The following GPC5 variants were observed in gnomAD, a reference collection of about 807,000 sequenced individuals.
The protein encoded by GPC5 is glypican-5.
Under a neutral mutation model 53.9 loss-of-function variants are expected in GPC5, and 47 were observed. That is an observed-to-expected ratio of 0.87 (90% CI 0.69 to 1.11). The LOEUF (loss-of-function observed/expected upper bound fraction) is 1.11, where lower values mean the gene tolerates loss of function less well. Ranked by LOEUF, GPC5 falls within the 50% of genes most tolerant of loss-of-function variation. The pLI, the probability that GPC5 is intolerant of heterozygous loss-of-function variation, is 0.00. For synonymous variants in GPC5, 286 were observed against 263.3 expected (o/e 1.09, Z -0.84); for missense variants, 748 against 713.1 (o/e 1.05, Z -0.56).
At chr13:92,537,346 G>C (rs973524506) in intron 7 of GPC5, among the ~76,000 whole-genome samples, 1 of 152,014 alleles carries the variant, frequency 6.6e-6, no homozygotes, top group Admixed American at 6.6e-5. Flanking sequence ...AAATGCTTTC[G>C]ATTTCAAAGG....
At chr13:91,675,948 GT>G (rs961281176) in intron 2 of GPC5, among the ~76,000 whole-genome samples, 1 of 152,152 alleles carries the variant, frequency 6.6e-6, no homozygotes, top group African/African-American at 2.4e-5. Context: ...TCAGGGTCAG[GT>G]TTTCTAATAT....
At chr13:92,635,040 C>G (rs1450397582) in intron 7 of GPC5, among the ~76,000 whole-genome samples, 3 of 151,610 alleles carry the variant, frequency 2.0e-5, no homozygotes, top group Non-Finnish European at 2.9e-5. Flanking sequence ...TATTTTGACA[C>G]AGTAAAATAT....
At chr13:91,717,544 G>A (rs1164402453) in intron 3 of GPC5, among the ~76,000 whole-genome samples, 1 of 152,054 alleles carries the variant, frequency 6.6e-6, no homozygotes, top group African/African-American at 2.4e-5. Flanking sequence ...GATGAAAGCA[G>A]AACAGCCTTT....
At chr13:91,567,282 A>G (rs921994748) in intron 2 of GPC5, among the ~76,000 whole-genome samples, 4 of 152,140 alleles carry the variant, frequency 2.6e-5, no homozygotes, top group African/African-American at 9.7e-5. Context: ...GCCTGTGCGT[A>G]TGAGTATGCA....
At chr13:91,901,075 AG>A (rs2039493049) in intron 5 of GPC5, among the ~76,000 whole-genome samples, 1 of 152,064 alleles carries the variant, frequency 6.6e-6, no homozygotes. Flanking sequence ...TGCTGTACAA[AG>A]CATGATAATA....
At chr13:91,471,646 C>G (rs529946988) in intron 2 of GPC5, among the ~76,000 whole-genome samples, 1 of 152,132 alleles carries the variant, frequency 6.6e-6, no homozygotes, top group Non-Finnish European at 1.5e-5. Flanking sequence ...TGTTCTCTTC[C>G]TCATCTTCAA....
At chr13:92,021,864 C>T (rs888352385) in intron 6 of GPC5, among the ~76,000 whole-genome samples, 3 of 152,190 alleles carry the variant, frequency 2.0e-5, no homozygotes, top group Non-Finnish European at 4.4e-5. Context: ...GCTACATCCA[C>T]CATTCCAATA....
At chr13:91,750,584 G>T (rs1041007062) in intron 4 of GPC5, among the ~76,000 whole-genome samples, 1 of 151,486 alleles carries the variant, frequency 6.6e-6, no homozygotes, top group Non-Finnish European at 1.5e-5. Flanking sequence ...AAAAGTAGTC[G>T]TGTGCTAGCT....
intron 7 of GPC5, among the ~76,000 whole-genome samples, chr13:92,466,596 G>A (rs1290112525): frequency 6.6e-6 from 1 of 152,018 alleles, no homozygotes; most frequent in African/African-American, 2.4e-5. Flanking sequence ...AATTCTTATG[G>A]AAGCATTAAA....
chr13:92,154,572 A>G (rs2041930040), intron 7 of GPC5, among the ~76,000 whole-genome samples: 1 of 152,188 alleles, frequency 6.6e-6, no homozygotes, highest in South Asian at 2.1e-4. Flanking sequence ...ACCCAGTTTT[A>G]AAAACATTTG....
intron 2 of GPC5, among the ~76,000 whole-genome samples, chr13:91,561,072 TG>T (rs1162872472): frequency 6.6e-6 from 1 of 152,186 alleles, no homozygotes; most frequent in Non-Finnish European, 1.5e-5. Context: ...CACTAATTTT[TG>T]GTTCCTGGAG....
At chr13:91,866,080 C>G (rs938362513) in intron 5 of GPC5, among the ~76,000 whole-genome samples, 2 of 152,144 alleles carry the variant, frequency 1.3e-5, no homozygotes, top group African/African-American at 2.4e-5. Flanking sequence ...GTTGGTCAGG[C>G]TGGTCTCGAA....
At chr13:92,000,763 G>A (rs2040546767) in intron 6 of GPC5, among the ~76,000 whole-genome samples, 1 of 152,086 alleles carries the variant, frequency 6.6e-6, no homozygotes, top group Non-Finnish European at 1.5e-5. Context: ...GGATTTCTTG[G>A]TATTTAGCAT....
intron 7 of GPC5, among the ~76,000 whole-genome samples, chr13:92,329,389 C>T (rs987845845): frequency 1.3e-5 from 2 of 152,064 alleles, no homozygotes; most frequent in African/African-American, 4.8e-5. Flanking sequence ...AACCAGATCT[C>T]ACATGATCTA....
At chr13:92,764,857 A>C (rs906601761) in intron 7 of GPC5, among the ~76,000 whole-genome samples, 2 of 152,094 alleles carry the variant, frequency 1.3e-5, no homozygotes, top group African/African-American at 4.8e-5. Flanking sequence ...TTATGGGGAA[A>C]GGGTGGAGGT....
chr13:91,745,448 C>G (rs1284600158), intron 4 of GPC5, among the ~76,000 whole-genome samples: 1 of 137,428 alleles, frequency 7.3e-6, no homozygotes, highest in East Asian at 2.1e-4. Flanking sequence ...AAGGAGCCCA[C>G]TCTCTGAGCT....
At chr13:92,808,756 A>C (rs1566427603) in intron 7 of GPC5, among the ~76,000 whole-genome samples, 2 of 152,086 alleles carry the variant, frequency 1.3e-5, no homozygotes, top group African/African-American at 4.8e-5. Context: ...CATCTTTTAT[A>C]TATTACAAAA....
At chr13:92,337,379 C>T (rs77537186) in intron 7 of GPC5, among the ~76,000 whole-genome samples, 13 of 152,098 alleles carry the variant, frequency 8.5e-5, no homozygotes, top group East Asian at 7.7e-4. Context: ...ACAACTGGAT[C>T]GATTCAGTGC....
chr13:92,298,438 C>T (rs1217377374), intron 7 of GPC5, among the ~76,000 whole-genome samples: 5 of 152,156 alleles, frequency 3.3e-5, no homozygotes, highest in Non-Finnish European at 5.9e-5. Context: ...TCTAGAAGGA[C>T]CCCTGTGAGG....
Sources: allele counts gnomAD v4.1 joint callset (sites outside exome capture counted in the v4.1 genomes callset), GRCh38; gene constraint gnomAD v4.1.1; transcripts MANE v1.5; gene names NCBI Gene and HGNC (gene_info 2026-07-23, HGNC 2026-07-21).